MSRA: variants seen among roughly 807,000 people sequenced by gnomAD.
MSRA encodes mitochondrial peptide methionine sulfoxide reductase.
In MSRA, 54 loss-of-function variants were observed where a neutral mutation model predicts 31.3. The observed-to-expected ratio is 1.73, with a 90% CI of 1.39 to 2.17. The LOEUF (loss-of-function observed/expected upper bound fraction) is 2.17, where lower values mean the gene tolerates loss of function less well. Among genes scored for constraint, MSRA ranks in the 30% most tolerant of loss-of-function variants. MSRA has a pLI of 0.00. For synonymous variants in MSRA, 169 were observed against 116.5 expected (o/e 1.45, Z -2.90); for missense variants, 507 against 300.9 (o/e 1.69, Z -5.07).
At chr8:10,414,525 A>G (rs557606907) in intron 5 of MSRA, among the ~76,000 whole-genome samples, 3 of 152,194 alleles carry the variant, frequency 2.0e-5, no homozygotes, top group South Asian at 2.1e-4. Context: ...ACACTTGGCC[A>G]CTCTGTCAAC....
intron 1 of MSRA, among the ~76,000 whole-genome samples, chr8:10,204,083 A>G (rs1808735805): frequency 6.6e-6 from 1 of 152,260 alleles, no homozygotes; most frequent in African/African-American, 2.4e-5. Flanking sequence ...TGAAAATTTT[A>G]AAAACAGGAA....
At chr8:10,199,833 C>G (rs140174348) in intron 1 of MSRA, among the ~76,000 whole-genome samples, 2 of 152,268 alleles carry the variant, frequency 1.3e-5, no homozygotes, top group East Asian at 1.9e-4. Context: ...GAAATGGAGT[C>G]CTTGAGTGTA....
intron 1 of MSRA, among the ~76,000 whole-genome samples, chr8:10,150,803 A>G (rs142717079): frequency 3.9e-5 from 6 of 152,294 alleles, no homozygotes; most frequent in African/African-American, 1.2e-4. Flanking sequence ...CAGCTCCTGC[A>G]TGTCCCTTCC....
At chr8:10,287,817 C>G (rs986844685) in intron 3 of MSRA, among the ~76,000 whole-genome samples, 3 of 152,178 alleles carry the variant, frequency 2.0e-5, no homozygotes, top group Admixed American at 2.0e-4. Flanking sequence ...ACTAGAGTCA[C>G]CCTTTCCTCT....
intron 1 of MSRA, among the ~76,000 whole-genome samples, chr8:10,121,061 C>G (rs571816580): frequency 2.6e-5 from 4 of 152,302 alleles, no homozygotes; most frequent in Non-Finnish European, 4.4e-5. Flanking sequence ...AGGGTAGTCA[C>G]TTAAAAAATG....
At chr8:10,142,213 C>T (rs903648021) in intron 1 of MSRA, among the ~76,000 whole-genome samples, 1 of 151,996 alleles carries the variant, frequency 6.6e-6, no homozygotes, top group Non-Finnish European at 1.5e-5. Context: ...CCACCTTGAC[C>T]TCCCAAACTC....
chr8:10,147,405 C>T (rs546708986), intron 1 of MSRA, among the ~76,000 whole-genome samples: 27 of 152,306 alleles, frequency 1.8e-4, no homozygotes, highest in Admixed American at 1.1e-3. Flanking sequence ...ACCTTCACCA[C>T]GTAGGCCTCA....
chr8:10,354,474 G>T (rs1480758933), intron 5 of MSRA, among the ~76,000 whole-genome samples: 2 of 152,158 alleles, frequency 1.3e-5, no homozygotes, highest in African/African-American at 4.8e-5. Context: ...TATGTTTATA[G>T]TGGAAAACAG....
At chr8:10,333,062 AG>A (rs746142045) in intron 5 of MSRA, among the ~76,000 whole-genome samples, 2 of 138,966 alleles carry the variant, frequency 1.4e-5, no homozygotes, top group Non-Finnish European at 3.1e-5. Context: ...GGTGGAAGAC[AG>A]CATTCTTGTG....
At chr8:10,337,694 C>T (rs1210892671) in intron 5 of MSRA, 16 of 702,338 alleles carry the variant, frequency 2.3e-5, no homozygotes, top group Non-Finnish European at 4.2e-5. Context: ...CCTTATACTC[C>T]TCCTCTCTCG....
intron 1 of MSRA, among the ~76,000 whole-genome samples, chr8:10,177,212 G>T (rs1213952022): frequency 6.6e-6 from 1 of 152,198 alleles, no homozygotes; most frequent in East Asian, 1.9e-4. Context: ...TGACTTGGAA[G>T]AGTCTTCACA....
chr8:10,266,702 T>C (rs1020144327), intron 3 of MSRA, among the ~76,000 whole-genome samples: 1 of 152,204 alleles, frequency 6.6e-6, no homozygotes, highest in South Asian at 2.1e-4. Flanking sequence ...TTGTATAGTT[T>C]AAGATGTACA....
chr8:10,293,795 C>T (rs1800380076), intron 3 of MSRA, among the ~76,000 whole-genome samples: 1 of 152,054 alleles, frequency 6.6e-6, no homozygotes, highest in Non-Finnish European at 1.5e-5. Context: ...TCCTGTGAGT[C>T]TCCTGATGAC....
At chr8:10,287,949 C>T (rs1284989552) in intron 3 of MSRA, among the ~76,000 whole-genome samples, 2 of 152,098 alleles carry the variant, frequency 1.3e-5, no homozygotes, top group Non-Finnish European at 2.9e-5. Flanking sequence ...AGACTGTGAG[C>T]TCTTTGAGGT....
intron 1 of MSRA, among the ~76,000 whole-genome samples, chr8:10,135,075 C>G (rs1211387537): frequency 6.6e-6 from 1 of 152,218 alleles, no homozygotes; most frequent in Non-Finnish European, 1.5e-5. Flanking sequence ...AGGAATGATA[C>G]TGGTCAAAGA....
At chr8:10,337,964 G>A in intron 5 of MSRA, 1 of 617,380 alleles carries the variant, frequency 1.6e-6, no homozygotes, top group East Asian at 2.8e-5. Context: ...AAACTGGGTG[G>A]CCCAGGAAAG....
intron 5 of MSRA, among the ~76,000 whole-genome samples, chr8:10,384,786 T>C (rs149093097): frequency 5.1e-4 from 78 of 152,196 alleles, no homozygotes; most frequent in African/African-American, 1.7e-3. Flanking sequence ...GGTGGGCAGA[T>C]CCCTTGAGGA....
intron 1 of MSRA, among the ~76,000 whole-genome samples, chr8:10,183,732 A>G (rs1468419859): frequency 3.4e-5 from 5 of 148,114 alleles, no homozygotes; most frequent in Non-Finnish European, 7.5e-5. Context: ...TTTCTCTGCG[A>G]GCTAAAGAGG....
intron 2 of MSRA, among the ~76,000 whole-genome samples, chr8:10,234,581 G>T (rs941839719): frequency 2.0e-5 from 3 of 151,970 alleles, no homozygotes; most frequent in Non-Finnish European, 4.4e-5. Flanking sequence ...CACAAAATGA[G>T]GTTATGGAAA....
Sources: allele counts gnomAD v4.1 joint callset (sites outside exome capture counted in the v4.1 genomes callset), GRCh38; gene constraint gnomAD v4.1.1; transcripts MANE v1.5; gene names NCBI Gene and HGNC (gene_info 2026-07-23, HGNC 2026-07-21).